Variants in COL4A4 observed in about 807,000 individuals in gnomAD.
COL4A4 encodes the protein collagen type IV alpha 4 chain, also known as collagen alpha-4(IV) chain.
COL4A4 carries 105 observed loss-of-function variants against 192.9 expected under a neutral mutation model. The observed-to-expected ratio is 0.54, with a 90% CI of 0.46 to 0.64. COL4A4 has a LOEUF of 0.64. Among genes scored for constraint, COL4A4 ranks in the 30% least tolerant of loss-of-function variants. COL4A4 has a pLI of 0.00. For missense variants in COL4A4, 1,967 were observed against 2,169.3 expected (o/e 0.91, Z 1.85); for synonymous variants, 762 against 769.9 (o/e 0.99, Z 0.17).
intron 25 of COL4A4, among the ~76,000 whole-genome samples, chr2:227,073,297 CA>C (rs34756869): frequency 0.15 from 23,129 of 151,894 alleles, 2,162 homozygotes; most frequent in African/African-American, 0.26. Flanking sequence ...CCTTTTACAA[CA>C]GCTGTGAAAA....
intron 28 of COL4A4, among the ~76,000 whole-genome samples, chr2:227,058,434 A>G (rs1241887527): frequency 6.6e-6 from 1 of 152,090 alleles, no homozygotes; most frequent in East Asian, 1.9e-4. Flanking sequence ...ATTTTTATTG[A>G]CTTACATTAT....
the COL4A4 span, among the ~76,000 whole-genome samples, chr2:226,985,493 G>C: frequency 0.077 from 11,737 of 152,308 alleles, 497 homozygotes; most frequent in East Asian, 0.18. Flanking sequence ...TTCTTCAGCA[G>C]ATTTAATGTC....
chr2:226,989,590 G>A, the COL4A4 span, among the ~76,000 whole-genome samples: 26 of 152,168 alleles, frequency 1.7e-4, no homozygotes, highest in Non-Finnish European at 3.5e-4. Flanking sequence ...AATATTCTTT[G>A]TCTCTTTGAC....
In COL4A4 at chr2:227,032,040, G is replaced by C; in HGVS notation, c.3722C>G (p.Pro1241Arg). 6.2e-7 allele frequency: 1 copy of C among 1,613,726 alleles called. No individual in the cohort carries two copies. The highest frequency in any genetic ancestry group is 8.5e-7 in the Non-Finnish European group (1 of 1,179,628). The change falls in exon 40 of 48, where the codon CCT (proline) becomes CGT (arginine). Residue 1241 changes from proline to arginine, a missense_variant. Coordinates refer to ENST00000396625, the MANE Select transcript of COL4A4 (RefSeq NM_000092.5). ...TCTTCCTGTGGCACCTGCAGGACCAGGTGGTCCTGAACTCCCTAAGAAGAG... is the reference window on the plus strand; with the variant it reads ...TCTTCCTGTGGCACCTGCAGGACCACGTGGTCCTGAACTCCCTAAGAAGAG... ...PPGPPGSSGP[P>R]GPAGATGRAP...
the COL4A4 span, among the ~76,000 whole-genome samples, chr2:226,984,225 A>C: frequency 6.6e-6 from 1 of 152,272 alleles, no homozygotes; most frequent in East Asian, 1.9e-4. Flanking sequence ...ATGCTGTCTT[A>C]GTCAGTTTAG....
chr2:227,076,869 G>A (rs980255554), intron 25 of COL4A4, among the ~76,000 whole-genome samples: 4 of 152,066 alleles, frequency 2.6e-5, no homozygotes, highest in African/African-American at 9.7e-5. Context: ...ATATTTATGT[G>A]GCCAACAAAC....
chr2:227,056,146 G>A (rs1975292925), intron 29 of COL4A4, 31 bp from the exon 30 acceptor site: 2 of 1,604,296 alleles, frequency 1.2e-6, no homozygotes, highest in Middle Eastern at 1.8e-4. Context: ...CACAGTGTGT[G>A]AAGGCTGAAC....
intron 4 of COL4A4, among the ~76,000 whole-genome samples, chr2:227,124,689 T>C (rs1304688893): frequency 1.3e-5 from 2 of 152,220 alleles, no homozygotes; most frequent in Non-Finnish European, 2.9e-5. Flanking sequence ...TTTATCAACT[T>C]ACAATAGGTG....
chr2:227,113,732 A>G (rs761859839), intron 8 of COL4A4, among the ~76,000 whole-genome samples: 11 of 152,342 alleles, frequency 7.2e-5, no homozygotes, highest in South Asian at 4.1e-4. Context: ...TTTAAGAAGG[A>G]CAAATAGGCA....
chr2:226,972,859 C>A, the COL4A4 span, among the ~76,000 whole-genome samples: 3 of 150,550 alleles, frequency 2.0e-5, no homozygotes, highest in Non-Finnish European at 4.4e-5. Flanking sequence ...ACACAAGTTA[C>A]CACATGTATT....
At chr2:227,087,014 A>G (rs1447057059) in intron 22 of COL4A4, among the ~76,000 whole-genome samples, 1 of 152,148 alleles carries the variant, frequency 6.6e-6, no homozygotes, top group Non-Finnish European at 1.5e-5. Context: ...TCTGGGGAAA[A>G]TGGAAAAAAG....
intron 43 of COL4A4, among the ~76,000 whole-genome samples, chr2:227,025,264 G>A (rs16823062): frequency 0.039 from 5,936 of 152,164 alleles, 406 homozygotes; most frequent in African/African-American, 0.13. Context: ...CTTTGAAAAT[G>A]CCAGGCACAA....
At chr2:227,147,911 TTTAA>T (rs1418273413) in intron 1 of COL4A4, among the ~76,000 whole-genome samples, 10 of 151,406 alleles carry the variant, frequency 6.6e-5, no homozygotes, top group Non-Finnish European at 1.5e-4. Flanking sequence ...TTTTCTTCTG[TTTAA>T]TTTTTTCCCT....
chr2:227,057,555 C>T lies in COL4A4; in HGVS notation c.2429G>A (p.Gly810Asp), dbSNP rs774970509. Residue 810 changes from glycine to aspartate, a missense_variant, in exon 29 of 48, where the codon GGC becomes GAC. Physicochemically the swap from Gly to Asp is moderately conservative, Grantham distance 94 (BLOSUM62 -1). Coordinates refer to ENST00000396625, the MANE Select transcript of COL4A4 (RefSeq NM_000092.5). Reference protein sequence around the residue: ...PGFLGLKGPKGREGHAGFPGV... With the variant: ...PGFLGLKGPKDREGHAGFPGV... ...TGGAAACCCAGCATGTCCCTCTCTG[C>T]CTTTGGGACCTTTGAGACCTAGGAA... The T allele has an allele frequency of 6.2e-7, 1 of 1,614,104 alleles. No individual in the cohort carries two copies.
intron 25 of COL4A4, among the ~76,000 whole-genome samples, chr2:227,075,798 C>T (rs1211986448): frequency 6.6e-6 from 1 of 152,114 alleles, no homozygotes; most frequent in Non-Finnish European, 1.5e-5. Flanking sequence ...TCTCAGGATA[C>T]AAAATCAATG....
At chr2:227,069,981 G>A (rs2058608799) in intron 25 of COL4A4, among the ~76,000 whole-genome samples, 1 of 150,116 alleles carries the variant, frequency 6.7e-6, no homozygotes, top group African/African-American at 2.4e-5. Flanking sequence ...CTGACAAAGG[G>A]CTAATATCCA....
the COL4A4 span, among the ~76,000 whole-genome samples, chr2:226,972,422 A>G: frequency 6.6e-6 from 1 of 152,220 alleles, no homozygotes; most frequent in Non-Finnish European, 1.5e-5. Flanking sequence ...GAGCAGAGCC[A>G]TCCTCCTCTT....
At position 227,099,654 on chromosome 2, in the gene COL4A4, T is replaced by C; in HGVS notation, c.1065A>G (p.Pro355=). ...DPGNRGHPGP[P]GVLVTPPLPL... ...GAAGAGGTGGAGTCACCAAAACACC[T>C]GGTGGTCCTGGGTGCCCTCGATTTC... The change falls in exon 18 of 48, where the codon CCA becomes CCG. Residue 355 remains proline (P), a synonymous_variant. Coordinates refer to ENST00000396625, the MANE Select transcript of COL4A4 (RefSeq NM_000092.5). 1 of 1,614,154 alleles carries C rather than the reference T, an allele frequency of 6.2e-7. No individual in the cohort carries two copies.
chr2:227,149,909 A>G (rs1375670823), intron 1 of COL4A4, among the ~76,000 whole-genome samples: 1 of 152,180 alleles, frequency 6.6e-6, no homozygotes, highest in Non-Finnish European at 1.5e-5. Flanking sequence ...ATTTGCAGAA[A>G]CATAACTGGT....
Sources: gnomAD v4.1 joint callset for allele counts (sites outside exome capture counted in the v4.1 genomes callset) on GRCh38, gnomAD v4.1.1 for gene constraint, MANE v1.5 for transcripts, NCBI Gene and HGNC (gene_info 2026-07-23, HGNC 2026-07-21) for gene names.